RTN4RL1: variants seen among roughly 807,000 people sequenced by gnomAD.
The protein encoded by RTN4RL1 is reticulon 4 receptor like 1.
Under a neutral mutation model 25.6 loss-of-function variants are expected in RTN4RL1, and 7 were observed. That is an observed-to-expected ratio of 0.27 (90% confidence interval 0.16 to 0.51). RTN4RL1 has a LOEUF of 0.51. Ranked by LOEUF, RTN4RL1 falls within the 20% of genes least tolerant of loss-of-function variation. The pLI is 0.97. For synonymous variants in RTN4RL1, 297 were observed against 288.2 expected, an observed-to-expected ratio of 1.03 and a Z score of -0.31; for missense variants, 500 against 615.6, an observed-to-expected ratio of 0.81 and a Z score of 1.99.
chr17:1,944,198 C>T (rs1318352626), intron 1 of RTN4RL1, among the ~76,000 whole-genome samples: 2 of 151,112 alleles, frequency 1.3e-5, no homozygotes, highest in East Asian at 2.0e-4. Flanking sequence ...CGAGCTACCT[C>T]GCCCAGCCCT....
chr17:1,966,401 G>C (rs943292620), intron 1 of RTN4RL1, among the ~76,000 whole-genome samples: 6 of 152,168 alleles, frequency 3.9e-5, no homozygotes, highest in African/African-American at 1.2e-4. Flanking sequence ...GCAGGCAGAA[G>C]ATGCTTCAGA....
chr17:1,997,813 C>T (rs2066936262), intron 1 of RTN4RL1, among the ~76,000 whole-genome samples: 1 of 152,058 alleles, frequency 6.6e-6, no homozygotes, highest in South Asian at 2.1e-4. Context: ...GGTCCCCGCC[C>T]CCTTCACAGC....
intron 1 of RTN4RL1, chr17:2,018,972 T>C (rs1332067289): frequency 6.6e-6 from 1 of 152,210 alleles, no homozygotes; most frequent in Non-Finnish European, 1.5e-5. Context: ...CTGGGCATGC[T>C]CTGTGAAGCC....
chr17:1,956,292 C>T (rs370837808), intron 1 of RTN4RL1, among the ~76,000 whole-genome samples: 6 of 152,284 alleles, frequency 3.9e-5, no homozygotes, highest in African/African-American at 9.6e-5. Context: ...GCTCCTAACG[C>T]GTACGGCGAA....
In RTN4RL1 at chr17:1,964,783, CTT is replaced by C. The variant is rs2066781890; in HGVS notation, c.14-26977_14-26976del. The stretch of plus-strand genomic sequence containing the variant: ...CACCGTTACAGTTTGCATTTCTTTT[CTT>C]TTCTTTTTTTTTTTTTTTTTTGAGA... On this transcript the variant is annotated intron_variant, in intron 1 of 1. Transcript: ENST00000331238. Among the ~76,000 whole-genome samples, 5 of 133,266 alleles carry C rather than the reference CTT, an allele frequency of 3.8e-5. No individual in the cohort carries two copies. The Admixed American group carries it at 3.8e-4, about 10-fold the overall frequency. The allele number at this position is 133,266 out of a possible 152,430, so 87.4% of individuals were successfully genotyped here. A position where few individuals can be genotyped will look rare whatever the true frequency, so the allele number is the denominator to read the frequency against.
At chr17:2,005,400 G>A (rs184824053) in intron 1 of RTN4RL1, among the ~76,000 whole-genome samples, 1 of 152,218 alleles carries the variant, frequency 6.6e-6, no homozygotes, top group East Asian at 1.9e-4. Flanking sequence ...ACTCAAGTCT[G>A]GAGAAAAAAG....
chr17:1,999,670 C>T (rs1316922091), intron 1 of RTN4RL1, among the ~76,000 whole-genome samples: 1 of 76,650 alleles, frequency 1.3e-5, no homozygotes, highest in African/African-American at 6.2e-5. Flanking sequence ...ACTCCCTATA[C>T]ATGCCCCCCC....
At chr17:2,023,865 C>A (rs2067242198) in intron 1 of RTN4RL1, among the ~76,000 whole-genome samples, 1 of 152,180 alleles carries the variant, frequency 6.6e-6, no homozygotes, top group Admixed American at 6.5e-5. Flanking sequence ...GCCGCTCCCG[C>A]AGGGCCGGGG....
chr17:2,011,108 G>A (rs368912264), intron 1 of RTN4RL1, among the ~76,000 whole-genome samples: 18 of 152,082 alleles, frequency 1.2e-4, no homozygotes, highest in Admixed American at 7.9e-4. Context: ...AAAATTGGCC[G>A]GGCGTGATGG....
In RTN4RL1 at chr17:1,998,747, C is replaced by A. The variant is rs1212331634; in HGVS notation, c.13+26106G>T. ...ACGGGCCTCGCAGCACAGACGGGGA[C>A]AGGGGCGGCCTCGCGCGCACGGGGA... is the stretch of plus-strand genomic sequence containing the variant. On this transcript the variant is annotated intron_variant, in intron 1 of 1. Transcript: ENST00000331238. The surrounding 1 kb of genome is among the most constrained non-coding windows in gnomAD (Gnocchi z 4.9). Among the ~76,000 whole-genome samples, 2 of 149,700 alleles carry A rather than the reference C, an allele frequency of 1.3e-5. No individual in the cohort carries two copies. Among genetic ancestry groups the A allele is most frequent in the African/African-American group, 5.0e-5 (2 of 40,382 alleles).
intron 1 of RTN4RL1, among the ~76,000 whole-genome samples, chr17:1,992,132 C>A (rs142291227): frequency 6.6e-6 from 1 of 151,830 alleles, no homozygotes; most frequent in Non-Finnish European, 1.5e-5. Flanking sequence ...TGGGAGGCCG[C>A]GGCGGGTGGA....
intron 1 of RTN4RL1, among the ~76,000 whole-genome samples, chr17:1,952,029 C>G (rs1459348148): frequency 1.3e-5 from 2 of 149,762 alleles, no homozygotes; most frequent in Non-Finnish European, 3.0e-5. Context: ...AGGCTCTGCT[C>G]CAGGACCTGG....
In RTN4RL1 at chr17:1,936,892, C is replaced by G; in HGVS notation, c.930G>C (p.Pro310=). Residue 310 remains proline (P), a synonymous_variant, in exon 2 of 2, where the codon CCG becomes CCC. Transcript: ENST00000331238. Reference sequence around the variant, plus strand: ...TGAGCGTGTGTGACTTGATCTGGTGCGGGGACGCTGGTCCCGTGCAGTTCC... The same window carrying G: ...TGAGCGTGTGTGACTTGATCTGGTGGGGGGACGCTGGTCCCGTGCAGTTCC... ...DFRNCTGPAS[P]HQIKSHTLTT... is the part of the protein sequence containing the mutation. 2 of 1,605,770 alleles carry G rather than the reference C, an allele frequency of 1.2e-6. No individual in the cohort carries two copies. Among genetic ancestry groups the G allele is most frequent in the Non-Finnish European group, 1.7e-6 (2 of 1,176,408 alleles).
chr17:1,964,455 G>A (rs768976650), intron 1 of RTN4RL1, among the ~76,000 whole-genome samples: 13 of 151,944 alleles, frequency 8.6e-5, no homozygotes, highest in East Asian at 2.0e-4. Context: ...CACACAGGTC[G>A]GGTGTGGTGG....
intron 1 of RTN4RL1, among the ~76,000 whole-genome samples, chr17:1,978,256 C>T (rs182833764): frequency 3.3e-5 from 5 of 152,358 alleles, no homozygotes; most frequent in African/African-American, 1.2e-4. Flanking sequence ...AGAGCCCCGA[C>T]CCGTGCAAGC....
At chr17:1,937,871 C>G in intron 1 of RTN4RL1, 63 bp from the exon 2 acceptor site, 1 of 1,283,330 alleles carries the variant, frequency 7.8e-7, no homozygotes, top group Non-Finnish European at 1.1e-6. Context: ...GCACCGCACC[C>G]TCCGGCGCCC....
chr17:1,971,849 C>T (rs1029609702), intron 1 of RTN4RL1, among the ~76,000 whole-genome samples: 1 of 151,600 alleles, frequency 6.6e-6, no homozygotes, highest in African/African-American at 2.4e-5. Context: ...GTAGTCCCAG[C>T]TACTCGGGAG....
chr17:1,953,564 TAA>T (rs36013307), intron 1 of RTN4RL1, among the ~76,000 whole-genome samples: 11 of 151,070 alleles, frequency 7.3e-5, no homozygotes, highest in African/African-American at 1.9e-4. Flanking sequence ...AAAATTGAAT[TAA>T]AAAAAAAATT....
chr17:1,981,248 G>C (rs1346724595), intron 1 of RTN4RL1, among the ~76,000 whole-genome samples: 1 of 151,832 alleles, frequency 6.6e-6, no homozygotes, highest in East Asian at 1.9e-4. Context: ...GGGTATAGTA[G>C]TGCACACCTG....
Sources: allele counts gnomAD v4.1 joint callset (sites outside exome capture counted in the v4.1 genomes callset), GRCh38; gene constraint gnomAD v4.1.1; non-coding constraint Gnocchi (gnomAD v3.1); transcripts MANE v1.5; gene names NCBI Gene and HGNC (gene_info 2026-07-23, HGNC 2026-07-21).